The following LTBP3 variants were observed in gnomAD, a reference collection of about 807,000 sequenced individuals.
LTBP3 encodes the protein latent transforming growth factor beta binding protein 3.
A neutral mutation model predicts 159.7 loss-of-function variants in LTBP3; 97 were observed. The ratio of observed to expected loss-of-function variants is 0.61; its 90% CI spans 0.52 to 0.72. The LOEUF (loss-of-function observed/expected upper bound fraction) is 0.72, where lower values mean the gene tolerates loss of function less well. Among genes scored for constraint, LTBP3 ranks in the 30% least tolerant of loss-of-function variants. The pLI is 0.00. For missense variants in LTBP3, 1,584 were observed against 1,864.3 expected (o/e 0.85, Z 2.77); for synonymous variants, 824 against 777.1 (o/e 1.06, Z -1.00).
At chr11:65,541,884 G>T in intron 18 of LTBP3, 156 bp from the exon 19 acceptor site, 1 of 809,556 alleles carries the variant, frequency 1.2e-6, no homozygotes, top group South Asian at 1.5e-5. Flanking sequence ...GTCTGAATGT[G>T]CATGTGGACA....
chr11:65,551,115 G>C lies in LTBP3; in HGVS notation c.1720+11C>G. On this transcript the variant is annotated intron_variant, in intron 11 of 27. Coordinates refer to ENST00000301873, the MANE Select transcript of LTBP3 (RefSeq NM_001130144.3). ...GCCTAGGCAGGGGTGGCTTTGCTGGGCGGGCCTTACCTGTGACCTGAGTGG... is the reference window on the plus strand; with the variant it reads ...GCCTAGGCAGGGGTGGCTTTGCTGGCCGGGCCTTACCTGTGACCTGAGTGG... The C allele has an allele frequency of 2.6e-6, 4 of 1,550,738 alleles. No individual in the cohort carries two copies. In the Admixed American group the frequency reaches 5.9e-5, roughly 23 times the overall value.
At chr11:65,551,862 G>T in intron 8 of LTBP3, 110 bp downstream of exon 8, 1 of 1,293,150 alleles carries the variant, frequency 7.7e-7, no homozygotes, top group Non-Finnish European at 1.1e-6. Flanking sequence ...GATGGGTCAG[G>T]GATAAGGAAT....
rs1855982174 is a variant in LTBP3, at chr11:65,539,733, C to CGGGCACGGTCGGCATT, written c.3518_3533dup (p.Pro1179MetfsTer38). On this transcript the variant is annotated frameshift_variant, in exon 25 of 28. Coordinates refer to ENST00000301873, the MANE Select transcript of LTBP3 (RefSeq NM_001130144.3). LOFTEE classifies it high-confidence loss of function. ...CGACTGCCTTACCCGCGCCGCGCGG[C>CGGGCACGGTCGGCATT]GGGCACGGTCGGCATTGGGCGCCCC... The CGGGCACGGTCGGCATT allele has an allele frequency of 1.3e-6, 2 of 1,544,996 alleles. No individual in the cohort carries two copies. Among genetic ancestry groups the CGGGCACGGTCGGCATT allele is most frequent in the Non-Finnish European group, 1.7e-6 (2 of 1,152,086 alleles).
At position 65,546,569 on chromosome 11, in the gene LTBP3, G is replaced by A. The variant is rs778900036; in HGVS notation, c.2231-5C>T. On this transcript the variant is annotated splice_region_variant and splice_polypyrimidine_tract_variant and intron_variant, in intron 15 of 27. Coordinates refer to ENST00000301873, the MANE Select transcript of LTBP3 (RefSeq NM_001130144.3). The surrounding 1 kb of genome is among the most constrained non-coding windows in gnomAD (Gnocchi z 4.0). ...CCTCGGCGCACTCGTTCACGTCTGC[G>A]GCGGAAAGACCTAGCCTCGGACTCT... The A allele has an allele frequency of 2.5e-6, 4 of 1,601,984 alleles. No individual in the cohort carries two copies. Among genetic ancestry groups the A allele is most frequent in the South Asian group, 1.1e-5 (1 of 90,970 alleles).
intron 16 of LTBP3, chr11:65,544,187 A>C: frequency 6.4e-6 from 1 of 157,340 alleles, no homozygotes; most frequent in Non-Finnish European, 1.4e-5. Context: ...CCTTCCCCTC[A>C]CTCTCAGGGT....
chr11:65,539,411 C>T lies in LTBP3; in HGVS notation c.3677G>A (p.Gly1226Asp). ...EDSDECRCVS[G>D]RCVPRPGGAV... is the part of the protein sequence containing the mutation. ...GCCGCCCGGCCGCGGCACGCAGCGGCCACTCACGCAGCGACACTCGTCTGA... is the reference window on the plus strand; with the variant it reads ...GCCGCCCGGCCGCGGCACGCAGCGGTCACTCACGCAGCGACACTCGTCTGA... Residue 1226 changes from glycine (G) to aspartate (D), a missense_variant, in exon 27 of 28, where the codon GGC (glycine) becomes GAC (aspartate). By Grantham distance (94) the Gly-to-Asp change is moderately conservative. This residue lies in a region of LTBP3 where 514 missense variants were observed against 530.3 expected (regional missense o/e 0.97). Coordinates refer to ENST00000301873, the MANE Select transcript of LTBP3 (RefSeq NM_001130144.3). The T allele has an allele frequency of 1.3e-6, 2 of 1,550,248 alleles. No homozygotes were observed. Among genetic ancestry groups the T allele is most frequent in the East Asian group, 2.5e-5 (1 of 40,774 alleles).
rs572342488 is a variant in LTBP3, at chr11:65,547,742, G to A, written c.1926C>T (p.His642=). The A allele has an allele frequency of 1.2e-6, 2 of 1,608,866 alleles. No individual in the cohort carries two copies. Among genetic ancestry groups the A allele is most frequent in the South Asian group, 2.2e-5 (2 of 90,864 alleles). Residue 642 remains histidine (H), a synonymous_variant, in exon 13 of 28, where the codon CAC becomes CAT. Transcript: ENST00000301873. The surrounding 1 kb of genome is among the most constrained non-coding windows in gnomAD (Gnocchi z 4.6). ...CMNTGGSYNC[H]CNRGYRLHVG... is the part of the protein sequence containing the mutation. ...CGTGCAGGCGGTAGCCGCGGTTGCA[G>A]TGGCAATTGTAGGAGCCGCCGGTGT...
chr11:65,557,710 AACTGTCCCGAC>A lies in LTBP3; in HGVS notation c.239_249del (p.Cys80LeufsTer110). 1 of 1,609,892 alleles carries A rather than the reference AACTGTCCCGAC, an allele frequency of 6.2e-7. No homozygotes were observed. Among genetic ancestry groups the A allele is most frequent in the Non-Finnish European group, 8.5e-7 (1 of 1,179,866 alleles). ...AGCGTCATGTTGGAGCCCTGCTGAC[AACTGTCCCGAC>A]ACTGGCCCTTGAGACAGGTCCGCTT... On this transcript the variant is annotated frameshift_variant, in exon 1 of 28. Transcript: ENST00000301873. LOFTEE classifies it high-confidence loss of function.
In LTBP3 at chr11:65,539,588, G is replaced by A. The variant is rs922074921; in HGVS notation, c.3588C>T (p.Phe1196=). The A allele has an allele frequency of 4.3e-6, 7 of 1,612,826 alleles. No homozygotes were observed. In the African/African-American group the frequency reaches 8.0e-5, roughly 18 times the overall value. The change falls in exon 26 of 28, where the codon TTC becomes TTT. Residue 1196 remains phenylalanine (F), a synonymous_variant. Coordinates refer to ENST00000301873, the MANE Select transcript of LTBP3 (RefSeq NM_001130144.3). ...CPTSQSESNS[F]WDTSPLLLGK... is the part of the protein sequence containing the mutation. ...CCAACAGCAGGGGGCTTGTGTCCCA[G>A]AAGGAATTGCTCTCGCTCTGCGATG...
chr11:65,557,539 C>T (rs1856851300), intron 1 of LTBP3, 90 bp downstream of exon 1: 1 of 1,567,192 alleles, frequency 6.4e-7, no homozygotes, highest in South Asian at 1.1e-5. Flanking sequence ...ACCCTCAGCC[C>T]CCAGTCTCTA....
chr11:65,557,070 A>G (rs976295097), intron 1 of LTBP3, among the ~76,000 whole-genome samples: 2 of 151,868 alleles, frequency 1.3e-5, no homozygotes, highest in Non-Finnish European at 2.9e-5. Flanking sequence ...ACTAGTCCCT[A>G]CCTTCAGGCC....
rs1856415158 is a variant in LTBP3 at position 65,547,339 on chromosome 11, G to A, written c.2107+100C>T. 5 of 1,347,688 alleles carry A rather than the reference G, an allele frequency of 3.7e-6. No homozygotes were observed. The highest frequency in any genetic ancestry group is 5.0e-6 in the Non-Finnish European group (5 of 999,978). The allele number at this position is 1,347,688 out of a possible 1,614,324, so 83.5% of individuals were successfully genotyped here. A position where few individuals can be genotyped will look rare whatever the true frequency, so the allele number is the denominator to read the frequency against. ...AGCCTGGGCGACAGAGTGAGACTCC[G>A]TCTCGGGGGAAAAAAAAAAAAATGC... On this transcript the variant is annotated intron_variant, in intron 14 of 27. Coordinates refer to ENST00000301873, the MANE Select transcript of LTBP3 (RefSeq NM_001130144.3). The surrounding 1 kb of genome is among the most constrained non-coding windows in gnomAD (Gnocchi z 4.6).
chr11:65,557,875 G>C lies in LTBP3; in HGVS notation c.85C>G (p.Leu29Val), dbSNP rs1255966907. The C allele has an allele frequency of 1.1e-5, 14 of 1,323,116 alleles. No homozygotes were observed. Among genetic ancestry groups the C allele is most frequent in the Non-Finnish European group, 1.4e-5 (14 of 1,029,128 alleles). The allele number at this position is 1,323,116 out of a possible 1,614,324, so 82.0% of individuals were successfully genotyped here. Reference sequence around the variant, plus strand: ...AGGCCCAGCAGCAGCAGCAGCAGCAGCAGCAGCAGCGCCAGCAGCCCCGCC... The same window carrying C: ...AGGCCCAGCAGCAGCAGCAGCAGCACCAGCAGCAGCGCCAGCAGCCCCGCC... ...GAAGLLALLL[L>V]LLLLLLGLGG... The change falls in exon 1 of 28, where the codon CTG becomes GTG. Residue 29 changes from leucine to valine, a missense_variant. Physicochemically the swap from Leu to Val is conservative, Grantham distance 32 (BLOSUM62 1). Transcript: ENST00000301873.
At chr11:65,541,546 G>T in intron 19 of LTBP3, 54 bp downstream of exon 19, 1 of 1,613,150 alleles carries the variant, frequency 6.2e-7, no homozygotes, top group South Asian at 1.1e-5. Flanking sequence ...CTGAATCCCA[G>T]CTGCAGCTCA....
chr11:65,551,991 C>T lies in LTBP3; in HGVS notation c.1512G>A (p.Glu504=). The T allele has an allele frequency of 6.2e-7, 1 of 1,614,034 alleles. No homozygotes were observed. Among genetic ancestry groups the T allele is most frequent in the South Asian group, 1.1e-5 (1 of 91,090 alleles). The change falls in exon 8 of 28, where the codon GAG becomes GAA. Residue 504 remains glutamate (E), a synonymous_variant. Coordinates refer to ENST00000301873, the MANE Select transcript of LTBP3 (RefSeq NM_001130144.3). ...CTAGACCTCTCTCTTCCTCTGTGTC[C>T]TCAGGTGGTGGAGCCTGGCTAGGGC... ...PESPSQAPPP[E]DTEEERGVTT... is the part of the protein sequence containing the mutation.
rs1437232732 is a variant in LTBP3 at position 65,554,288 on chromosome 11, C to T, written c.424G>A (p.Val142Met). The T allele has an allele frequency of 6.2e-7, 1 of 1,611,422 alleles. No homozygotes were observed. The highest frequency in any genetic ancestry group is 1.3e-5 in the African/African-American group (1 of 74,848). ...PPDFTGRFCQ[V>M]PAGGAGGGTG... is the part of the protein sequence containing the mutation. The stretch of plus-strand genomic sequence containing the variant: ...CCCCCACCGGCTCCTCCTGCGGGCA[C>T]CTGGCAGAAGCGCCCAGTGAAGTCC... The change falls in exon 2 of 28, where the codon GTG becomes ATG. Residue 142 changes from valine (V) to methionine (M), a missense_variant. Physicochemically the swap from Val to Met is conservative, Grantham distance 21. Coordinates refer to ENST00000301873, the MANE Select transcript of LTBP3 (RefSeq NM_001130144.3). The surrounding 1 kb of genome is among the most constrained non-coding windows in gnomAD (Gnocchi z 5.3).
intron 18 of LTBP3, 130 bp downstream of exon 18, chr11:65,542,975 T>TGG (rs200834242): frequency 4.4e-5 from 51 of 1,156,452 alleles, no homozygotes; most frequent in African/African-American, 4.4e-4. Context: ...GATGGATGGA[T>TGG]AGATGGATGG....
Position 65,553,953 on chromosome 11 carries a change from C to T in LTBP3, c.662-50G>A, listed in dbSNP as rs527397016. On this transcript the variant is annotated intron_variant, in intron 2 of 27. Transcript: ENST00000301873. The surrounding 1 kb of genome is among the most constrained non-coding windows in gnomAD (Gnocchi z 6.5). Reference sequence around the variant, plus strand: ...GGGCTGCCCGCACCGCGCCGCGGGTCACCGCGCTGAGCTCCTCCAGGGCTG... The same window carrying T: ...GGGCTGCCCGCACCGCGCCGCGGGTTACCGCGCTGAGCTCCTCCAGGGCTG... 6 of 1,534,290 alleles carry T rather than the reference C, an allele frequency of 3.9e-6. No individual in the cohort carries two copies. The highest frequency in any genetic ancestry group is 4.7e-5 in the East Asian group (2 of 42,772).
In LTBP3 at chr11:65,546,060, GCC is replaced by G; in HGVS notation, c.2353+380_2353+381del. On this transcript the variant is annotated intron_variant, in intron 16 of 27. Transcript: ENST00000301873. This position sits in a 1 kb window ranked among gnomAD's most constrained non-coding sequence, Gnocchi z 4.0. ...CAGGAAGCAGCCCAGCTCCATCCAG[GCC>G]CAGCACTGCATGCTACAGTCTGTCT... The G allele has an allele frequency of 3.7e-6, 1 of 269,736 alleles. No homozygotes were observed. Among genetic ancestry groups the G allele is most frequent in the South Asian group, 4.6e-5 (1 of 21,652 alleles). 16.7% of individuals were successfully genotyped at this position (269,736 alleles called of 1,614,324 possible).
Sources: gnomAD v4.1 joint callset for allele counts (sites outside exome capture counted in the v4.1 genomes callset) on GRCh38, gnomAD v4.1.1 for gene constraint, gnomAD v4.1.1 regional missense constraint, Gnocchi (gnomAD v3.1) non-coding constraint, MANE v1.5 for transcripts, NCBI Gene and HGNC (gene_info 2026-07-23, HGNC 2026-07-21) for gene names.